The following PTPRM variants were observed in gnomAD, a reference collection of about 807,000 sequenced individuals.
PTPRM encodes the protein protein tyrosine phosphatase receptor type M.
In PTPRM, 47 loss-of-function variants were observed where a neutral mutation model predicts 186.7. The ratio of observed to expected loss-of-function variants is 0.25; its 90% CI spans 0.20 to 0.32. The LOEUF is 0.32. Ranked by LOEUF, PTPRM falls within the 10% of genes least tolerant of loss-of-function variation. The pLI, the probability that PTPRM is intolerant of heterozygous loss-of-function variation, is 1.00. For synonymous variants in PTPRM, 668 were observed against 674.9 expected, an observed-to-expected ratio of 0.99 and a Z score of 0.16; for missense variants, 1,494 against 1,865.0, an observed-to-expected ratio of 0.80 and a Z score of 3.66.
intron 2 of PTPRM, among the ~76,000 whole-genome samples, chr18:7,851,351 A>G (rs2046849834): frequency 2.0e-5 from 3 of 152,218 alleles, no homozygotes; most frequent in Admixed American, 2.0e-4. Context: ...GATGTAAAGA[A>G]GAGTTATGGA....
chr18:8,324,059 C>A (rs1025659466), intron 22 of PTPRM, among the ~76,000 whole-genome samples: 1 of 152,100 alleles, frequency 6.6e-6, no homozygotes, highest in African/African-American at 2.4e-5. Context: ...CTTAATTAAT[C>A]TACTTTTTAA....
At chr18:7,654,643 G>T (rs2038805978) in intron 1 of PTPRM, among the ~76,000 whole-genome samples, 1 of 152,132 alleles carries the variant, frequency 6.6e-6, no homozygotes. Flanking sequence ...GTAGAGAAGG[G>T]GTCAAGTTTC....
chr18:8,138,262 C>T (rs866628055), intron 13 of PTPRM, among the ~76,000 whole-genome samples: 3 of 151,084 alleles, frequency 2.0e-5, no homozygotes, highest in Non-Finnish European at 2.9e-5. Context: ...AGTGAAGAGA[C>T]GGCCCAGGGC....
intron 7 of PTPRM, among the ~76,000 whole-genome samples, chr18:8,008,040 C>G (rs947859222): frequency 1.3e-5 from 2 of 152,026 alleles, no homozygotes; most frequent in African/African-American, 4.8e-5. Flanking sequence ...ACATTGAAGA[C>G]CTGGGAAATA....
intron 19 of PTPRM, among the ~76,000 whole-genome samples, chr18:8,264,384 G>A (rs1484611599): frequency 6.6e-6 from 1 of 152,108 alleles, no homozygotes; most frequent in Non-Finnish European, 1.5e-5. Flanking sequence ...TTTGAGGGGT[G>A]GACTTTCCAT....
At chr18:7,922,994 G>T (rs1470212016) in intron 4 of PTPRM, among the ~76,000 whole-genome samples, 1 of 152,112 alleles carries the variant, frequency 6.6e-6, no homozygotes, top group African/African-American at 2.4e-5. Flanking sequence ...GCACATTTTA[G>T]CAGTGTCTCT....
At chr18:7,619,797 GT>G (rs1197484386) in intron 1 of PTPRM, among the ~76,000 whole-genome samples, 1 of 152,170 alleles carries the variant, frequency 6.6e-6, no homozygotes, top group Non-Finnish European at 1.5e-5. Flanking sequence ...GCAGTTCCCT[GT>G]TCATTTGGAC....
chr18:7,784,005 T>A (rs1568126052), intron 2 of PTPRM, among the ~76,000 whole-genome samples: 1 of 151,870 alleles, frequency 6.6e-6, no homozygotes, highest in African/African-American at 2.4e-5. Context: ...CAGTGGATGG[T>A]GACGTTAGAA....
intron 2 of PTPRM, among the ~76,000 whole-genome samples, chr18:7,786,549 G>A (rs551564354): frequency 1.3e-5 from 2 of 152,308 alleles, no homozygotes; most frequent in Non-Finnish European, 2.9e-5. Flanking sequence ...GTGCAGACTA[G>A]GTTTGATCCA....
At chr18:8,128,242 G>A (rs930450589) in intron 13 of PTPRM, among the ~76,000 whole-genome samples, 2 of 152,082 alleles carry the variant, frequency 1.3e-5, no homozygotes, top group African/African-American at 4.8e-5. Flanking sequence ...AACTAACTAG[G>A]TATCTTACTT....
At chr18:7,772,393 T>TTCTC (rs1390376551) in intron 1 of PTPRM, among the ~76,000 whole-genome samples, 1 of 144,762 alleles carries the variant, frequency 6.9e-6, no homozygotes, top group African/African-American at 2.6e-5. Flanking sequence ...CTTTCTTTCT[T>TTCTC]TCTTTCTTTC....
At chr18:7,684,155 C>G (rs886579719) in intron 1 of PTPRM, among the ~76,000 whole-genome samples, 1 of 151,790 alleles carries the variant, frequency 6.6e-6, no homozygotes, top group African/African-American at 2.4e-5. Flanking sequence ...GTTATGGTAG[C>G]CTGGTGTGGT....
chr18:8,030,577 A>G (rs1194598908), intron 7 of PTPRM, among the ~76,000 whole-genome samples: 1 of 152,254 alleles, frequency 6.6e-6, no homozygotes, highest in Admixed American at 6.5e-5. Context: ...CTATTTTAGT[A>G]TAATACATTT....
intron 20 of PTPRM, among the ~76,000 whole-genome samples, chr18:8,310,758 A>T (rs948067107): frequency 6.6e-6 from 1 of 152,162 alleles, no homozygotes; most frequent in Non-Finnish European, 1.5e-5. Flanking sequence ...CTTAAGTCCC[A>T]TGAACTCAAG....
At chr18:7,940,077 C>T (rs1484881276) in intron 5 of PTPRM, among the ~76,000 whole-genome samples, 1 of 152,112 alleles carries the variant, frequency 6.6e-6, no homozygotes, top group African/African-American at 2.4e-5. Flanking sequence ...ACCTGACTTG[C>T]AGCAAAGGAA....
chr18:8,179,899 C>G (rs1306852055), intron 14 of PTPRM, among the ~76,000 whole-genome samples: 1 of 152,138 alleles, frequency 6.6e-6, no homozygotes, highest in Non-Finnish European at 1.5e-5. Context: ...ACCTTTATAA[C>G]CTTTGAATTA....
chr18:7,748,747 C>T (rs1267719352), intron 1 of PTPRM, among the ~76,000 whole-genome samples: 1 of 152,078 alleles, frequency 6.6e-6, no homozygotes, highest in Admixed American at 6.5e-5. Flanking sequence ...TCTTTTATCT[C>T]CCCCCAAATC....
chr18:7,807,731 A>G (rs949313955), intron 2 of PTPRM, among the ~76,000 whole-genome samples: 24 of 152,230 alleles, frequency 1.6e-4, no homozygotes, highest in African/African-American at 5.8e-4. Context: ...TAAGACTAGG[A>G]TCATGACGTG....
chr18:7,754,715 G>A (rs955521786), intron 1 of PTPRM: 2 of 152,236 alleles, frequency 1.3e-5, no homozygotes, highest in Admixed American at 6.5e-5. Flanking sequence ...ATCAGGAGTG[G>A]ACAGTGATGT....
Sources: allele counts gnomAD v4.1 joint callset (sites outside exome capture counted in the v4.1 genomes callset), GRCh38; gene constraint gnomAD v4.1.1; transcripts MANE v1.5; gene names NCBI Gene and HGNC (gene_info 2026-07-23, HGNC 2026-07-21).